The following NIPAL2 variants were observed in gnomAD, a reference collection of about 807,000 sequenced individuals.
The protein encoded by NIPAL2 is NIPA like domain containing 2.
Under a neutral mutation model 48.9 loss-of-function variants are expected in NIPAL2, and 43 were observed. The ratio of observed to expected loss-of-function variants is 0.88; its 90% CI spans 0.69 to 1.13. The LOEUF is 1.13. NIPAL2 is among the 50% of genes most tolerant of loss of function. The pLI is 0.00. For missense variants in NIPAL2, 446 were observed against 461.4 expected, an observed-to-expected ratio of 0.97 and a Z score of 0.31; for synonymous variants, 167 against 174.6, an observed-to-expected ratio of 0.96 and a Z score of 0.34.
chr8:98,256,631 TA>T (rs34524696), intron 1 of NIPAL2, among the ~76,000 whole-genome samples: 19 of 146,916 alleles, frequency 1.3e-4, no homozygotes, highest in African/African-American at 2.8e-4. Context: ...TGGCTATAAT[TA>T]AAAAAAAAAA....
chr8:98,211,872 T>A (rs1811340032), intron 6 of NIPAL2, among the ~76,000 whole-genome samples: 1 of 151,774 alleles, frequency 6.6e-6, no homozygotes, highest in Non-Finnish European at 1.5e-5. Flanking sequence ...AAATACATAG[T>A]GGGCTTATCT....
intron 6 of NIPAL2, among the ~76,000 whole-genome samples, chr8:98,205,500 G>A (rs1810988376): frequency 6.6e-6 from 1 of 151,576 alleles, no homozygotes; most frequent in South Asian, 2.1e-4. Context: ...TATCTGTGGA[G>A]CAAGATGCTT....
chr8:98,201,746 T>C (rs1563483570), intron 8 of NIPAL2, among the ~76,000 whole-genome samples: 4 of 152,226 alleles, frequency 2.6e-5, no homozygotes, highest in Admixed American at 2.0e-4. Flanking sequence ...TTTCTTAATT[T>C]ATTAACTAGC....
chr8:98,225,391 A>C (rs1478281822), intron 4 of NIPAL2, among the ~76,000 whole-genome samples: 2 of 152,204 alleles, frequency 1.3e-5, no homozygotes, highest in Non-Finnish European at 2.9e-5. Flanking sequence ...TTTTTCTAAA[A>C]GTGGTATGAA....
chr8:98,226,152 A>C (rs1181748804), intron 4 of NIPAL2, among the ~76,000 whole-genome samples: 1 of 152,112 alleles, frequency 6.6e-6, no homozygotes, highest in African/African-American at 2.4e-5. Context: ...AGTTTCCTCG[A>C]AACAGCTATT....
chr8:98,209,154 G>A (rs1811184304), intron 6 of NIPAL2, among the ~76,000 whole-genome samples: 2 of 152,116 alleles, frequency 1.3e-5, no homozygotes, highest in Admixed American at 6.5e-5. Flanking sequence ...AATGTTTACT[G>A]TGTGATTACT....
At chr8:98,216,971 A>C (rs1045726796) in intron 5 of NIPAL2, 15 of 790,192 alleles carry the variant, frequency 1.9e-5, no homozygotes, top group Non-Finnish European at 2.1e-5. Context: ...CAGGACTTAT[A>C]GCTTTTAACA....
At chr8:98,203,085 A>G (rs1021974725) in intron 8 of NIPAL2, 23 bp downstream of exon 8, 4 of 1,536,040 alleles carry the variant, frequency 2.6e-6, no homozygotes, top group African/African-American at 2.7e-5. Flanking sequence ...GGAATCACCA[A>G]TGTATAGAAA....
chr8:98,245,044 G>A (rs1054265439), intron 3 of NIPAL2, among the ~76,000 whole-genome samples: 2 of 152,044 alleles, frequency 1.3e-5, no homozygotes, highest in African/African-American at 4.8e-5. Flanking sequence ...CTTATAAAAA[G>A]AAAATAACCC....
At chr8:98,229,778 T>C (rs1586356244) in intron 4 of NIPAL2, among the ~76,000 whole-genome samples, 1 of 151,408 alleles carries the variant, frequency 6.6e-6, no homozygotes, top group East Asian at 1.9e-4. Flanking sequence ...TGCTAAAATA[T>C]GATGATGATG....
At chr8:98,252,902 T>C (rs903276189) in intron 2 of NIPAL2, among the ~76,000 whole-genome samples, 2 of 152,110 alleles carry the variant, frequency 1.3e-5, no homozygotes, top group African/African-American at 4.8e-5. Context: ...CAGAAAATAT[T>C]AGATGGAAAA....
In NIPAL2 at chr8:98,210,168, C is replaced by T. The variant is rs969343598; in HGVS notation, c.655+2237G>A. On this transcript the variant is annotated intron_variant, in intron 6 of 10. Transcript: ENST00000430223. The stretch of plus-strand genomic sequence containing the variant: ...CCTTTTTAATTAATTTTAATTAATT[C>T]TTTCTGCTTTCCTTAGCTTTATTTC... Among the ~76,000 whole-genome samples, 5 of 151,548 alleles carry T rather than the reference C, an allele frequency of 3.3e-5. No individual in the cohort carries two copies. In the East Asian group the frequency reaches 7.8e-4, roughly 23 times the overall value.
intron 4 of NIPAL2, among the ~76,000 whole-genome samples, chr8:98,227,560 G>A (rs374653654): frequency 1.3e-5 from 2 of 152,190 alleles, no homozygotes; most frequent in East Asian, 3.9e-4. Context: ...CAGGAGCTAC[G>A]GCCTGGAATG....
chr8:98,219,579 T>C (rs1811745701), intron 5 of NIPAL2, among the ~76,000 whole-genome samples: 1 of 152,186 alleles, frequency 6.6e-6, no homozygotes, highest in Non-Finnish European at 1.5e-5. Context: ...TTCCCCAGAC[T>C]TCTCCTACAC....
rs188709717 is a variant in NIPAL2 at position 98,205,490 on chromosome 8, T to A, written c.656-244A>T. On this transcript the variant is annotated intron_variant, in intron 6 of 10. Transcript: ENST00000430223. ...TGTGTGACTGTGTGTTTTTTTTTTTTATCTGTGGAGCAAGATGCTTCTTTT... is the reference window on the plus strand; with the variant it reads ...TGTGTGACTGTGTGTTTTTTTTTTTAATCTGTGGAGCAAGATGCTTCTTTT... Among the ~76,000 whole-genome samples, 1,001 of 152,054 alleles carry A rather than the reference T, an allele frequency of 6.6e-3. 13 individuals carry two copies. The highest frequency in any genetic ancestry group is 0.022 in the African/African-American group (916 of 41,474).
At chr8:98,249,154 T>G (rs17884907) in intron 3 of NIPAL2, among the ~76,000 whole-genome samples, 30,079 of 151,456 alleles carry the variant, frequency 0.2, 3,025 homozygotes, top group East Asian at 0.33. Context: ...TGCATAGGCC[T>G]GTTTTAGGGC....
In NIPAL2 at chr8:98,262,239, G is replaced by A. The variant is rs1374983359; in HGVS notation, c.136-8152C>T. 1.6e-4 allele frequency among the ~76,000 whole-genome samples: 25 copies of A among 152,102 alleles called. No individual in the cohort carries two copies. In the South Asian group the frequency reaches 5.2e-3, roughly 32 times the overall value. ...CATCAACTAACGAGCAAAATAACCA[G>A]CTAACATCATAACGACAGGATCAAA... On this transcript the variant is annotated intron_variant, in intron 1 of 10. Coordinates refer to ENST00000430223, the MANE Select transcript of NIPAL2 (RefSeq NM_001321635.2).
chr8:98,202,240 T>C (rs952620981), intron 8 of NIPAL2, among the ~76,000 whole-genome samples: 8 of 151,918 alleles, frequency 5.3e-5, no homozygotes, highest in Admixed American at 2.0e-4. Flanking sequence ...CCCTGGAACA[T>C]TGAATTCAGT....
At chr8:98,205,295 A>G in intron 6 of NIPAL2, 49 bp from the exon 7 acceptor site, 1 of 1,514,084 alleles carries the variant, frequency 6.6e-7, no homozygotes. Context: ...TTCAGATTGA[A>G]TTAACAAATA....
Sources: gnomAD v4.1 joint callset for allele counts (sites outside exome capture counted in the v4.1 genomes callset) on GRCh38, gnomAD v4.1.1 for gene constraint, MANE v1.5 for transcripts, NCBI Gene and HGNC (gene_info 2026-07-23, HGNC 2026-07-21) for gene names.